KRCC1: variants seen among roughly 807,000 people sequenced by gnomAD.
KRCC1 encodes lysine rich coiled-coil 1, also known as lysine-rich coiled-coil protein 1.
In KRCC1, 3 loss-of-function variants were observed where a neutral mutation model predicts 7.4. The observed-to-expected ratio is 0.40, with a 90% CI of 0.18 to 1.04. The LOEUF is 1.04. Ranked by LOEUF, KRCC1 falls within the 50% of genes least tolerant of loss-of-function variation. The pLI is 0.33. For synonymous variants in KRCC1, 102 were observed against 101.6 expected (o/e 1.00, Z -0.02); for missense variants, 277 against 300.9 (o/e 0.92, Z 0.59).
intron 1 of KRCC1, among the ~76,000 whole-genome samples, chr2:88,038,016 C>T (rs777591417): frequency 1.2e-4 from 19 of 152,120 alleles, no homozygotes; most frequent in Admixed American, 9.8e-4. Flanking sequence ...ACTTTCTACA[C>T]GGCAGTTTAA....
rs1672903781 is a variant in KRCC1 at position 88,027,867 on chromosome 2, T to G, written c.697A>C (p.Lys233Gln). Residue 233 changes from lysine to glutamine, a missense_variant, in exon 4 of 4, where the codon AAG becomes CAG. By Grantham distance (53) the Lys-to-Gln change is moderately conservative. Coordinates refer to ENST00000347055, the MANE Select transcript of KRCC1 (RefSeq NM_016618.3). ...RDVVSKKEERKRTKKKKEQGQ... is the reference protein window; with the variant it reads ...RDVVSKKEERQRTKKKKEQGQ... ...TGTTCCTTTTTCTTTTTTGTACGCT[T>G]ACGTTCCTCTTTCTTAGAGACTACA... The G allele has an allele frequency of 3.1e-6, 5 of 1,613,430 alleles. No individual in the cohort carries two copies. The Middle Eastern group carries it at 5.0e-4, about 160-fold the overall frequency.
intron 1 of KRCC1, among the ~76,000 whole-genome samples, chr2:88,042,799 C>T (rs1036213849): frequency 6.6e-6 from 1 of 152,118 alleles, no homozygotes; most frequent in Non-Finnish European, 1.5e-5. Context: ...TGCATTCAGT[C>T]TATGACTTCA....
chr2:88,043,877 G>A (rs910388251), intron 1 of KRCC1, among the ~76,000 whole-genome samples: 96 of 152,088 alleles, frequency 6.3e-4, no homozygotes, highest in East Asian at 1.9e-4. Flanking sequence ...GCTTCTCCAC[G>A]TTGGTCAGGC....
At position 88,027,996 on chromosome 2, in the gene KRCC1, C is replaced by A; in HGVS notation, c.568G>T (p.Asp190Tyr). 1.9e-6 allele frequency: 3 copies of A among 1,613,812 alleles called. No homozygotes were observed. Among genetic ancestry groups the A allele is most frequent in the Non-Finnish European group, 2.5e-6 (3 of 1,179,994 alleles). ...RKKSCEEIDL[D>Y]KHKSIQRKKT... ...TTTCTTTGGATGCTCTTGTGTTTGT[C>A]TAAGTCAATTTCCTCGCAGCTTTTT... is the stretch of plus-strand genomic sequence containing the variant. The change falls in exon 4 of 4, where the codon GAC (aspartate) becomes TAC (tyrosine). Residue 190 changes from aspartate (D) to tyrosine (Y), a missense_variant. Physicochemically the swap from Asp to Tyr is radical, Grantham distance 160 (BLOSUM62 -3). Transcript: ENST00000347055.
At chr2:88,046,074 A>T (rs1673326724) in intron 1 of KRCC1, among the ~76,000 whole-genome samples, 1 of 152,230 alleles carries the variant, frequency 6.6e-6, no homozygotes, top group Non-Finnish European at 1.5e-5. Context: ...GGAATAAGAG[A>T]TAATTCTACC....
intron 1 of KRCC1, among the ~76,000 whole-genome samples, chr2:88,038,741 T>C (rs1443571901): frequency 6.6e-6 from 1 of 152,022 alleles, no homozygotes; most frequent in Non-Finnish European, 1.5e-5. Flanking sequence ...TTCAAGGTGG[T>C]AGGAAGGAGA....
intron 1 of KRCC1, among the ~76,000 whole-genome samples, chr2:88,038,816 T>A (rs1673146053): frequency 6.6e-6 from 1 of 152,162 alleles, no homozygotes; most frequent in African/African-American, 2.4e-5. Context: ...CTCACTATCA[T>A]AAGAACAACA....
At chr2:88,053,941 A>G (rs1300502125) in intron 1 of KRCC1, among the ~76,000 whole-genome samples, 2 of 152,220 alleles carry the variant, frequency 1.3e-5, no homozygotes, top group Admixed American at 6.5e-5. Flanking sequence ...AAGGCAACAC[A>G]GCAAACACTA....
chr2:88,050,895 C>T (rs1368787967), intron 1 of KRCC1, among the ~76,000 whole-genome samples: 2 of 148,748 alleles, frequency 1.3e-5, no homozygotes, highest in African/African-American at 4.9e-5. Flanking sequence ...CTATTTGTAA[C>T]CTTATGCCTT....
intron 1 of KRCC1, among the ~76,000 whole-genome samples, chr2:88,049,512 G>A: frequency 6.6e-6 from 1 of 152,190 alleles, no homozygotes; most frequent in East Asian, 1.9e-4. Context: ...GCTGGGCATG[G>A]TGGCATGTGC....
chr2:88,052,993 AG>A (rs1370826402), intron 1 of KRCC1, among the ~76,000 whole-genome samples: 1 of 152,180 alleles, frequency 6.6e-6, no homozygotes, highest in Admixed American at 6.6e-5. Context: ...TTTAGACTTT[AG>A]GGATTTTCAT....
chr2:88,052,651 T>A (rs1008272791), intron 1 of KRCC1, among the ~76,000 whole-genome samples: 1 of 152,266 alleles, frequency 6.6e-6, no homozygotes, highest in African/African-American at 2.4e-5. Flanking sequence ...GTATTTCAGA[T>A]GACCAGTTAT....
chr2:88,044,899 C>T lies in KRCC1; in HGVS notation c.-290-7848G>A, dbSNP rs955761512. ...TTTTTTTTTTTTGGAGATGGAGTAG[C>T]TCATGCTAGAGTGCAGTGGCATGAT... On this transcript the variant is annotated intron_variant, in intron 1 of 3. Coordinates refer to ENST00000347055, the MANE Select transcript of KRCC1 (RefSeq NM_016618.3). Among the ~76,000 whole-genome samples the T allele has an allele frequency of 1.0e-4, 13 of 130,404 alleles. No homozygotes were observed. The East Asian group carries it at 2.0e-3, about 20-fold the overall frequency. The allele number at this position is 130,404 out of a possible 152,430, so 85.6% of individuals were successfully genotyped here.
At chr2:88,042,360 T>C (rs1196385998) in intron 1 of KRCC1, among the ~76,000 whole-genome samples, 1 of 152,130 alleles carries the variant, frequency 6.6e-6, no homozygotes, top group African/African-American at 2.4e-5. Context: ...GCACCCGGCC[T>C]AGACCACTAT....
chr2:88,046,272 G>T (rs1673332048), intron 1 of KRCC1, among the ~76,000 whole-genome samples: 1 of 152,062 alleles, frequency 6.6e-6, no homozygotes, highest in South Asian at 2.1e-4. Flanking sequence ...ATGTAACCCT[G>T]GTCAAGCTTC....
intron 1 of KRCC1, among the ~76,000 whole-genome samples, chr2:88,054,226 T>C (rs1430648497): frequency 6.6e-6 from 1 of 152,240 alleles, no homozygotes; most frequent in East Asian, 1.9e-4. Context: ...AAATTTAACA[T>C]GGCCTCTAGA....
intron 3 of KRCC1, among the ~76,000 whole-genome samples, chr2:88,029,954 T>G (rs1270952060): frequency 6.6e-6 from 1 of 150,844 alleles, no homozygotes; most frequent in African/African-American, 2.4e-5. Context: ...TTCAAGTGAT[T>G]CTCCTGCCTC....
chr2:88,028,642 C>CAATT, intron 3 of KRCC1, 57 bp from the exon 4 acceptor site: 1 of 682,158 alleles, frequency 1.5e-6, no homozygotes, highest in South Asian at 2.3e-5. Context: ...ATTTCCTTTG[C>CAATT]TCTTTTTTTT....
chr2:88,054,864 G>C (rs1001861344), intron 1 of KRCC1, among the ~76,000 whole-genome samples: 1 of 152,194 alleles, frequency 6.6e-6, no homozygotes, highest in Non-Finnish European at 1.5e-5. Context: ...AGCTACTCCG[G>C]AGGCTGAGGC....
Sources: gnomAD v4.1 joint callset for allele counts (sites outside exome capture counted in the v4.1 genomes callset) on GRCh38, gnomAD v4.1.1 for gene constraint, MANE v1.5 for transcripts, NCBI Gene and HGNC (gene_info 2026-07-23, HGNC 2026-07-21) for gene names.